The following CDH12 variants were observed in gnomAD, a reference collection of about 807,000 sequenced individuals.
CDH12 encodes cadherin 12.
In CDH12, 41 loss-of-function variants were observed where a neutral mutation model predicts 74.1. The ratio of observed to expected loss-of-function variants is 0.55; its 90% CI spans 0.43 to 0.72. CDH12 has a LOEUF of 0.72. CDH12 is among the 30% of genes least tolerant of loss of function. CDH12 has a pLI of 0.00. For missense variants in CDH12, 945 were observed against 977.2 expected (o/e 0.97, Z 0.44); for synonymous variants, 399 against 355.0 (o/e 1.12, Z -1.39).
chr5:21,887,369 T>A (rs112196169), intron 6 of CDH12, among the ~76,000 whole-genome samples: 8 of 152,174 alleles, frequency 5.3e-5, no homozygotes, highest in Non-Finnish European at 1.2e-4. Flanking sequence ...ATCAAAGCTA[T>A]AACAAATTTA....
At chr5:22,163,392 C>A (rs933993962) in intron 4 of CDH12, among the ~76,000 whole-genome samples, 3 of 152,132 alleles carry the variant, frequency 2.0e-5, no homozygotes, top group Non-Finnish European at 2.9e-5. Flanking sequence ...TCAATATTTA[C>A]CACTTGGATG....
intron 6 of CDH12, among the ~76,000 whole-genome samples, chr5:21,932,677 G>A (rs1009183943): frequency 3.3e-5 from 5 of 152,032 alleles, no homozygotes; most frequent in African/African-American, 1.2e-4. Context: ...AAGGCAGGTG[G>A]ACCATGAGGT....
At chr5:22,546,568 T>C (rs1408475970) in intron 1 of CDH12, among the ~76,000 whole-genome samples, 1 of 152,168 alleles carries the variant, frequency 6.6e-6, no homozygotes, top group Non-Finnish European at 1.5e-5. Flanking sequence ...AACAAAGATT[T>C]TTTCTTTTAA....
At chr5:22,775,428 G>A (rs965750164) in intron 1 of CDH12, among the ~76,000 whole-genome samples, 4 of 151,994 alleles carry the variant, frequency 2.6e-5, no homozygotes, top group African/African-American at 9.7e-5. Context: ...GCCTGGGTCT[G>A]TCATGCCAAG....
intron 2 of CDH12, among the ~76,000 whole-genome samples, chr5:22,498,901 C>CTTT (rs34550762): frequency 8.6e-4 from 63 of 73,428 alleles, no homozygotes; most frequent in Admixed American, 1.1e-3. Context: ...TTTTCTGTTT[C>CTTT]TTTTTTTTTT....
chr5:22,581,879 C>T (rs966475826), intron 1 of CDH12, among the ~76,000 whole-genome samples: 1 of 152,086 alleles, frequency 6.6e-6, no homozygotes, highest in African/African-American at 2.4e-5. Context: ...AAATTACAGC[C>T]TGAAAACATT....
At chr5:22,652,766 A>G (rs1739808226) in intron 1 of CDH12, among the ~76,000 whole-genome samples, 1 of 152,202 alleles carries the variant, frequency 6.6e-6, no homozygotes, top group Admixed American at 6.5e-5. Context: ...AGAAATAATT[A>G]GATAAACTTC....
At chr5:22,783,896 C>T (rs1747502459) in intron 1 of CDH12, among the ~76,000 whole-genome samples, 1 of 152,014 alleles carries the variant, frequency 6.6e-6, no homozygotes, top group Non-Finnish European at 1.5e-5. Context: ...AGCGATTCTC[C>T]TCCCTGCTTT....
intron 1 of CDH12, among the ~76,000 whole-genome samples, chr5:22,593,453 T>C (rs1482929887): frequency 6.6e-6 from 1 of 152,190 alleles, no homozygotes; most frequent in Non-Finnish European, 1.5e-5. Context: ...TTTAGAGTAA[T>C]AATGTATTCT....
intron 3 of CDH12, among the ~76,000 whole-genome samples, chr5:22,360,545 T>C (rs1253129636): frequency 2.6e-5 from 4 of 152,078 alleles, no homozygotes; most frequent in Admixed American, 2.0e-4. Context: ...TTGCAATCAA[T>C]AGGAAAAGAG....
At chr5:22,670,880 C>A (rs1740867273) in intron 1 of CDH12, among the ~76,000 whole-genome samples, 1 of 151,872 alleles carries the variant, frequency 6.6e-6, no homozygotes, top group South Asian at 2.1e-4. Context: ...TGCATCGTAG[C>A]AGGTTTTATT....
intron 1 of CDH12, among the ~76,000 whole-genome samples, chr5:22,823,566 C>T (rs1041084664): frequency 5.3e-5 from 8 of 151,930 alleles, no homozygotes; most frequent in South Asian, 2.1e-4. Context: ...CTTCATTAGC[C>T]GCATGAAAAC....
chr5:22,541,489 C>A (rs979921498), intron 1 of CDH12, among the ~76,000 whole-genome samples: 1 of 152,104 alleles, frequency 6.6e-6, no homozygotes, highest in Non-Finnish European at 1.5e-5. Context: ...AGATTTGTCC[C>A]ACAATTGGTA....
chr5:22,369,093 C>T (rs569331406), intron 3 of CDH12, among the ~76,000 whole-genome samples: 39 of 152,004 alleles, frequency 2.6e-4, no homozygotes, highest in South Asian at 1.2e-3. Context: ...TGCACCACTG[C>T]ACTCCAGCCT....
chr5:22,348,789 A>T (rs1740233939), intron 3 of CDH12, among the ~76,000 whole-genome samples: 1 of 152,172 alleles, frequency 6.6e-6, no homozygotes, highest in African/African-American at 2.4e-5. Flanking sequence ...AATGCTAGGC[A>T]CTCATTGGTG....
intron 3 of CDH12, among the ~76,000 whole-genome samples, chr5:22,213,107 T>G (rs1326271255): frequency 2.0e-5 from 3 of 152,172 alleles, no homozygotes; most frequent in Non-Finnish European, 4.4e-5. Context: ...CTGAAAAATG[T>G]TTAAAGCGAT....
intron 1 of CDH12, among the ~76,000 whole-genome samples, chr5:22,657,518 A>C (rs1309827918): frequency 6.6e-6 from 1 of 152,220 alleles, no homozygotes; most frequent in African/African-American, 2.4e-5. Flanking sequence ...CTTACTACTG[A>C]AGCCCTCCGT....
At chr5:22,565,037 G>A (rs1269489634) in intron 1 of CDH12, among the ~76,000 whole-genome samples, 1 of 152,104 alleles carries the variant, frequency 6.6e-6, no homozygotes. Flanking sequence ...CTGGGTTTAA[G>A]TGACTGTCCT....
chr5:22,101,209 G>T (rs1234058581), intron 4 of CDH12, among the ~76,000 whole-genome samples: 1 of 151,738 alleles, frequency 6.6e-6, no homozygotes, highest in Non-Finnish European at 1.5e-5. Context: ...TAGACACCGA[G>T]ACTTTTACTG....
Sources: gnomAD v4.1 joint callset for allele counts (sites outside exome capture counted in the v4.1 genomes callset) on GRCh38, gnomAD v4.1.1 for gene constraint, MANE v1.5 for transcripts, NCBI Gene and HGNC (gene_info 2026-07-23, HGNC 2026-07-21) for gene names.